Variants in INVS observed in about 807,000 individuals in gnomAD.
INVS encodes the protein inversin.
In INVS, 86 loss-of-function variants were observed where a neutral mutation model predicts 108.8. That is an observed-to-expected ratio of 0.79 (90% CI 0.66 to 0.95). The LOEUF is 0.95. INVS is among the 40% of genes least tolerant of loss of function. The pLI is 0.00. For missense variants in INVS, 1,169 were observed against 1,297.4 expected (o/e 0.90, Z 1.52); for synonymous variants, 455 against 473.5 (o/e 0.96, Z 0.51).
At chr9:100,144,092 G>A (rs927187542) in intron 3 of INVS, among the ~76,000 whole-genome samples, 6 of 152,004 alleles carry the variant, frequency 3.9e-5, no homozygotes, top group East Asian at 1.9e-4. Context: ...GATGGGACAC[G>A]GCTTAGGAGG....
chr9:100,268,653 G>A (rs1159043271), intron 11 of INVS, among the ~76,000 whole-genome samples: 2 of 152,206 alleles, frequency 1.3e-5, no homozygotes, highest in East Asian at 1.9e-4. Flanking sequence ...GGTATTGAGT[G>A]TATAAGTGTT....
chr9:100,280,840 C>A (rs144731001), intron 12 of INVS, among the ~76,000 whole-genome samples: 3 of 152,216 alleles, frequency 2.0e-5, no homozygotes, highest in Non-Finnish European at 2.9e-5. Context: ...GTAATCCCAG[C>A]CCTTTGAGAG....
At chr9:100,149,014 C>T (rs1467458698) in intron 3 of INVS, among the ~76,000 whole-genome samples, 6 of 150,354 alleles carry the variant, frequency 4.0e-5, no homozygotes, top group African/African-American at 1.5e-4. Flanking sequence ...TTCTTCAACT[C>T]TTTTTGTTAT....
intron 15 of INVS, among the ~76,000 whole-genome samples, 185 bp from the exon 16 acceptor site, chr9:100,297,751 A>ACT (rs1461435646): frequency 2.0e-5 from 3 of 152,228 alleles, no homozygotes; most frequent in Non-Finnish European, 4.4e-5. Context: ...TACAGCATGA[A>ACT]CTTTAACATT....
intron 11 of INVS, among the ~76,000 whole-genome samples, chr9:100,269,702 C>T (rs941541456): frequency 2.6e-5 from 4 of 152,012 alleles, no homozygotes; most frequent in Non-Finnish European, 5.9e-5. Context: ...CTTTTTTCTG[C>T]CTCATAAATC....
At chr9:100,133,843 C>T (rs148724587) in intron 3 of INVS, among the ~76,000 whole-genome samples, 121 of 148,974 alleles carry the variant, frequency 8.1e-4, no homozygotes, top group African/African-American at 2.6e-3. Flanking sequence ...CTCCCAGCCC[C>T]GGTAATACCT....
At chr9:100,291,524 T>C (rs940274013) in intron 13 of INVS, among the ~76,000 whole-genome samples, 1 of 152,192 alleles carries the variant, frequency 6.6e-6, no homozygotes, top group South Asian at 2.1e-4. Context: ...CTCATGCATT[T>C]TGTGATTTTG....
chr9:100,252,239 G>A (rs1832258840), intron 8 of INVS, 44 bp from the exon 9 acceptor site: 2 of 1,591,906 alleles, frequency 1.3e-6, no homozygotes, highest in Admixed American at 3.3e-5. Context: ...AAAAGGTGAA[G>A]TTGTTATTGA....
At chr9:100,186,526 C>G (rs970069420) in intron 3 of INVS, among the ~76,000 whole-genome samples, 5 of 152,100 alleles carry the variant, frequency 3.3e-5, no homozygotes, top group African/African-American at 1.2e-4. Context: ...ATGCCAACAT[C>G]TCTTGTTTTT....
intron 12 of INVS, among the ~76,000 whole-genome samples, chr9:100,276,940 T>TCTTCA (rs988125100): frequency 6.6e-6 from 1 of 152,266 alleles, no homozygotes; most frequent in Non-Finnish European, 1.5e-5. Flanking sequence ...TCCTGAACTT[T>TCTTCA]CTTCACTTCA....
intron 14 of INVS, 80 bp from the exon 15 acceptor site, chr9:100,296,837 T>C (rs1833805305): frequency 1.1e-5 from 12 of 1,121,362 alleles, no homozygotes; most frequent in Non-Finnish European, 1.5e-5. Context: ...ACTACTCCTA[T>C]AGCTTCTAGA....
At chr9:100,157,663 G>GA (rs1364765248) in intron 3 of INVS, among the ~76,000 whole-genome samples, 1 of 152,090 alleles carries the variant, frequency 6.6e-6, no homozygotes, top group Non-Finnish European at 1.5e-5. Context: ...ATTTTAGTCT[G>GA]AAAAAAGTTC....
chr9:100,229,171 A>C (rs1352493850), intron 4 of INVS, among the ~76,000 whole-genome samples: 1 of 152,208 alleles, frequency 6.6e-6, no homozygotes, highest in Admixed American at 6.5e-5. Context: ...TTTTCACTTA[A>C]AGGAAACACT....
In INVS at chr9:100,158,926, TCTCTCTCTCC is replaced by T. The variant is rs1309570988; in HGVS notation, c.273+32387_273+32396del. ...AGAAGAGCCTGGCATCCTTCCCCGT[TCTCTCTCTCC>T]CTCTCTCTCTCTTGCCTGCTGTCTA... On this transcript the variant is annotated intron_variant, in intron 3 of 16. Coordinates refer to ENST00000262457, the MANE Select transcript of INVS (RefSeq NM_014425.5). Among the ~76,000 whole-genome samples, 15 of 152,154 alleles carry T rather than the reference TCTCTCTCTCC, an allele frequency of 9.9e-5. No individual in the cohort carries two copies. The South Asian group carries it at 1.9e-3, about 19-fold the overall frequency.
At position 100,292,659 on chromosome 9, in the gene INVS, G is replaced by A. The variant is rs76868679; in HGVS notation, c.2402G>A (p.Gly801Glu). The change falls in exon 14 of 17, where the codon GGA becomes GAA. Residue 801 changes from glycine (G) to glutamate (E), a missense_variant. Gly to Glu is a moderately conservative substitution (Grantham distance 98, BLOSUM62 -2). This residue lies in a region of INVS where 533 missense variants were observed against 536.0 expected (regional missense o/e 0.99). Coordinates refer to ENST00000262457, the MANE Select transcript of INVS (RefSeq NM_014425.5). Reference sequence around the variant, plus strand: ...AGGCGCACTCAAGAGCTCAGAGGAGGAAGGTGCTCTCCGGCTGGTTCTAGC... The same window carrying A: ...AGGCGCACTCAAGAGCTCAGAGGAGAAAGGTGCTCTCCGGCTGGTTCTAGC... ...QKRRTQELRG[G>E]RCSPAGSSRP... The A allele has an allele frequency of 0.038, 60,650 of 1,614,144 alleles. 1,307 individuals are homozygous for A. Among genetic ancestry groups the A allele is most frequent in the Middle Eastern group, 0.061 (367 of 6,062 alleles).
In INVS at chr9:100,154,331, A is replaced by ATTTTTTTTTTTTTTTT. The variant is rs780090630; in HGVS notation, c.273+27795_273+27810dup. On this transcript the variant is annotated intron_variant, in intron 3 of 16. Transcript: ENST00000262457. ...AGGTGTGTGCCACCACAACCGACTA[A>ATTTTTTTTTTTTTTTT]TTTTTTTTTTTTTTTTTTTTTTTTT... Among the ~76,000 whole-genome samples, 595 of 68,530 alleles carry ATTTTTTTTTTTTTTTT rather than the reference A, an allele frequency of 8.7e-3. 42 individuals carry two copies. Among genetic ancestry groups the ATTTTTTTTTTTTTTTT allele is most frequent in the African/African-American group, 0.011 (141 of 12,986 alleles). 45.0% of individuals were successfully genotyped at this position (68,530 alleles called of 152,430 possible).
intron 3 of INVS, among the ~76,000 whole-genome samples, chr9:100,135,742 C>G (rs1435885023): frequency 1.3e-5 from 2 of 151,884 alleles, no homozygotes; most frequent in Admixed American, 1.3e-4. Context: ...GTGATAATGA[C>G]TAGTATGAAT....
At chr9:100,243,826 A>G (rs1055576709) in intron 7 of INVS, among the ~76,000 whole-genome samples, 22 of 152,080 alleles carry the variant, frequency 1.4e-4, no homozygotes, top group Admixed American at 4.6e-4. Context: ...CCTGGCCAAC[A>G]TGGTGGAAAC....
intron 13 of INVS, among the ~76,000 whole-genome samples, chr9:100,287,885 T>A (rs1564191510): frequency 1.3e-5 from 2 of 152,146 alleles, no homozygotes; most frequent in Non-Finnish European, 2.9e-5. Context: ...CTCATCACAC[T>A]TGAAGTCTAG....
Sources: gnomAD v4.1 joint callset for allele counts (sites outside exome capture counted in the v4.1 genomes callset) on GRCh38, gnomAD v4.1.1 for gene constraint, gnomAD v4.1.1 regional missense constraint, MANE v1.5 for transcripts, NCBI Gene and HGNC (gene_info 2026-07-23, HGNC 2026-07-21) for gene names.